Variants in MALRD1 observed in about 807,000 individuals in gnomAD.
MALRD1 encodes the protein MAM and LDL receptor class A domain containing 1, also known as MAM and LDL-receptor class A domain-containing protein 1.
Under a neutral mutation model 242.1 loss-of-function variants are expected in MALRD1, and 247 were observed. The observed-to-expected ratio is 1.02, with a 90% CI of 0.92 to 1.13. The LOEUF (loss-of-function observed/expected upper bound fraction) is 1.13. Among genes scored for constraint, MALRD1 ranks in the 50% most tolerant of loss-of-function variants. The pLI is 0.00. For synonymous variants in MALRD1, 995 were observed against 866.6 expected (o/e 1.15, Z -2.60); for missense variants, 2,989 against 2,533.1 (o/e 1.18, Z -3.86).
At chr10:19,568,803 C>T (rs893550573) in intron 33 of MALRD1, among the ~76,000 whole-genome samples, 8 of 152,058 alleles carry the variant, frequency 5.3e-5, no homozygotes, top group South Asian at 4.2e-4. Flanking sequence ...CAAATCCATT[C>T]GCATTCAGAA....
At chr10:19,567,044 T>C (rs1002311809) in intron 32 of MALRD1, among the ~76,000 whole-genome samples, 1 of 152,172 alleles carries the variant, frequency 6.6e-6, no homozygotes, top group African/African-American at 2.4e-5. Context: ...TTTTCTGTCT[T>C]CAAAATGTTA....
At chr10:19,216,218 A>G (rs1317853130) in intron 18 of MALRD1, among the ~76,000 whole-genome samples, 2 of 150,236 alleles carry the variant, frequency 1.3e-5, no homozygotes, top group South Asian at 2.1e-4. Context: ...CCCAAGGTCA[A>G]GTGATTCTCC....
At chr10:19,586,881 C>T (rs185044195) in intron 33 of MALRD1, among the ~76,000 whole-genome samples, 31 of 152,364 alleles carry the variant, frequency 2.0e-4, no homozygotes, top group African/African-American at 6.3e-4. Context: ...CAGCGAGACT[C>T]CGTGGGCCTA....
chr10:19,197,739 T>C (rs2131599618), intron 14 of MALRD1, among the ~76,000 whole-genome samples: 1 of 152,318 alleles, frequency 6.6e-6, no homozygotes, highest in South Asian at 2.1e-4. Flanking sequence ...TCAATATTCT[T>C]CCTTATTTTA....
At chr10:19,480,628 G>C (rs1589138606) in intron 29 of MALRD1, among the ~76,000 whole-genome samples, 3 of 152,168 alleles carry the variant, frequency 2.0e-5, no homozygotes, top group African/African-American at 7.2e-5. Context: ...TCTATGCAAG[G>C]GTTCTTTTAG....
intron 26 of MALRD1, among the ~76,000 whole-genome samples, chr10:19,372,839 G>C (rs1256702627): frequency 6.6e-6 from 1 of 152,028 alleles, no homozygotes; most frequent in Non-Finnish European, 1.5e-5. Context: ...AATTTAACTG[G>C]ATAAGAGAGC....
intron 39 of MALRD1, among the ~76,000 whole-genome samples, chr10:19,733,395 C>G (rs376018800): frequency 3.3e-5 from 5 of 152,100 alleles, no homozygotes; most frequent in Admixed American, 2.0e-4. Flanking sequence ...TTTTAAAGGA[C>G]AAGGACTTTT....
At chr10:19,387,023 G>C (rs1320591651) in intron 26 of MALRD1, among the ~76,000 whole-genome samples, 1 of 152,156 alleles carries the variant, frequency 6.6e-6, no homozygotes, top group African/African-American at 2.4e-5. Flanking sequence ...TGTAGTGTCA[G>C]TTATTAGTTA....
chr10:19,321,327 A>G (rs532156223), intron 21 of MALRD1, among the ~76,000 whole-genome samples: 29 of 152,294 alleles, frequency 1.9e-4, no homozygotes, highest in African/African-American at 7.0e-4. Flanking sequence ...TTTGTTTGAT[A>G]ATTCACACAT....
intron 38 of MALRD1, among the ~76,000 whole-genome samples, chr10:19,701,381 G>C (rs889076805): frequency 1.3e-5 from 2 of 152,074 alleles, no homozygotes; most frequent in Non-Finnish European, 2.9e-5. Context: ...TCATTTTGCA[G>C]ATGCTCAAAT....
chr10:19,318,293 C>G (rs765997920), intron 21 of MALRD1, among the ~76,000 whole-genome samples: 11 of 151,880 alleles, frequency 7.2e-5, no homozygotes, highest in Non-Finnish European at 1.3e-4. Flanking sequence ...TTGTACTGTT[C>G]ACAGTTTGAT....
chr10:19,313,371 G>T (rs1842511456), intron 21 of MALRD1, among the ~76,000 whole-genome samples: 1 of 151,282 alleles, frequency 6.6e-6, no homozygotes, highest in African/African-American at 2.4e-5. Context: ...CTTAAAGACT[G>T]ATCTAAAATC....
intron 29 of MALRD1, among the ~76,000 whole-genome samples, chr10:19,456,576 T>G (rs1374783330): frequency 1.3e-5 from 2 of 152,188 alleles, no homozygotes; most frequent in African/African-American, 4.8e-5. Flanking sequence ...AGAACTTACC[T>G]TCTTCACTTA....
At chr10:19,609,635 A>G (rs1177791279) in intron 35 of MALRD1, among the ~76,000 whole-genome samples, 1 of 152,080 alleles carries the variant, frequency 6.6e-6, no homozygotes, top group Non-Finnish European at 1.5e-5. Flanking sequence ...CCGGCACTGT[A>G]TAGATGTTGC....
chr10:19,665,600 C>T (rs1179691964), intron 36 of MALRD1, among the ~76,000 whole-genome samples: 3 of 152,066 alleles, frequency 2.0e-5, no homozygotes, highest in Non-Finnish European at 2.9e-5. Context: ...CCTTCCTCCC[C>T]CAAGACATCG....
At chr10:19,134,073 TG>T (rs1269717416) in intron 9 of MALRD1, 125 bp downstream of exon 9, 3 of 406,470 alleles carry the variant, frequency 7.4e-6, no homozygotes, top group Middle Eastern at 6.6e-4. Flanking sequence ...CTTGTATATT[TG>T]GGGAGAGTGA....
At chr10:19,047,140 G>T (rs1834357089), upstream of MALRD1, among the ~76,000 whole-genome samples, 1 of 152,162 alleles carries the variant, frequency 6.6e-6, no homozygotes, top group South Asian at 2.1e-4. Context: ...AGAATGGATA[G>T]AGTCTTCAAC....
In MALRD1 at chr10:19,238,896, A is replaced by C. The variant is rs929410513; in HGVS notation, c.2992-18788A>C. Among the ~76,000 whole-genome samples the C allele has an allele frequency of 2.0e-5, 3 of 150,352 alleles. No homozygotes were observed. The Admixed American group carries it at 2.0e-4, about 10-fold the overall frequency. On this transcript the variant is annotated intron_variant, in intron 18 of 39. Transcript: ENST00000454679. ...TCCTTGCCAACTCTTGTTGTCTTTT[A>C]CCTTTTTGGTAATAGCCATTCTAAT...
intron 26 of MALRD1, among the ~76,000 whole-genome samples, chr10:19,382,473 C>T (rs964321380): frequency 6.6e-5 from 10 of 152,018 alleles, no homozygotes; most frequent in African/African-American, 2.4e-4. Flanking sequence ...TGCTTATCTG[C>T]TATTATGTAA....
Sources: gnomAD v4.1 joint callset for allele counts (sites outside exome capture counted in the v4.1 genomes callset) on GRCh38, gnomAD v4.1.1 for gene constraint, MANE v1.5 for transcripts, NCBI Gene and HGNC (gene_info 2026-07-23, HGNC 2026-07-21) for gene names.